The following ST3GAL3 variants were observed in gnomAD, a reference collection of about 807,000 sequenced individuals.
The protein encoded by ST3GAL3 is CMP-N-acetylneuraminate-beta-1,4-galactoside alpha-2,3-sialyltransferase.
ST3GAL3 carries 21 observed loss-of-function variants against 50.1 expected under a neutral mutation model. The observed-to-expected ratio is 0.42, with a 90% CI of 0.30 to 0.60. The LOEUF is 0.60. ST3GAL3 is among the 20% of genes least tolerant of loss of function. The pLI is 0.19. For missense variants in ST3GAL3, 353 were observed against 489.4 expected, an observed-to-expected ratio of 0.72 and a Z score of 2.63; for synonymous variants, 183 against 190.0, an observed-to-expected ratio of 0.96 and a Z score of 0.30.
chr1:43,915,246 T>TC (rs939367595), intron 9 of ST3GAL3, among the ~76,000 whole-genome samples: 2 of 152,014 alleles, frequency 1.3e-5, no homozygotes, highest in African/African-American at 4.8e-5. Flanking sequence ...GGAGGTCAGG[T>TC]CTCCTTTAGT....
At chr1:43,781,798 C>T (rs950337711) in intron 2 of ST3GAL3, among the ~76,000 whole-genome samples, 3 of 152,144 alleles carry the variant, frequency 2.0e-5, no homozygotes, top group African/African-American at 7.2e-5. Flanking sequence ...CCTTCCCTCC[C>T]AATTTCCACA....
intron 2 of ST3GAL3, among the ~76,000 whole-genome samples, chr1:43,743,249 C>A (rs1000247334): frequency 2.0e-5 from 3 of 151,132 alleles, no homozygotes; most frequent in Non-Finnish European, 3.0e-5. Context: ...CAAAACAGAG[C>A]CCCCTTATAG....
chr1:43,871,798 A>G (rs1286699742), intron 5 of ST3GAL3, among the ~76,000 whole-genome samples: 1 of 11,650 alleles, frequency 8.6e-5, no homozygotes. Context: ...GTGTGGGAGA[A>G]GATGGGGTGT....
At chr1:43,846,280 G>C (rs2066243140) in intron 5 of ST3GAL3, among the ~76,000 whole-genome samples, 1 of 151,994 alleles carries the variant, frequency 6.6e-6, no homozygotes, top group African/African-American at 2.4e-5. Context: ...TCTGTCATTT[G>C]GTGTGTATAC....
intron 4 of ST3GAL3, among the ~76,000 whole-genome samples, chr1:43,824,081 G>T (rs1367979661): frequency 6.6e-6 from 1 of 152,206 alleles, no homozygotes; most frequent in South Asian, 2.1e-4. Context: ...TAGTGTTTAT[G>T]TGCATAGTAA....
At chr1:43,864,877 G>A (rs910307462) in intron 5 of ST3GAL3, among the ~76,000 whole-genome samples, 1 of 152,132 alleles carries the variant, frequency 6.6e-6, no homozygotes. Flanking sequence ...AGAAGAGCAC[G>A]CTTATGGGGC....
chr1:43,757,470 A>C (rs1334945043), intron 2 of ST3GAL3, among the ~76,000 whole-genome samples: 1 of 152,240 alleles, frequency 6.6e-6, no homozygotes, highest in Admixed American at 6.5e-5. Context: ...ATATAGATCA[A>C]TGAGACAGAA....
rs2066784939 is a variant in ST3GAL3 at position 43,848,982 on chromosome 1, G to T, written c.302+10671G>T. ...AATACTGTGTTTTTAATCTCTGTAG[G>T]TTCCATTTAGGTCTTCTTATATCTT... On this transcript the variant is annotated intron_variant, in intron 5 of 11. Coordinates refer to ENST00000347631, the MANE Select transcript of ST3GAL3 (RefSeq NM_006279.5). Among the ~76,000 whole-genome samples, 2 of 151,994 alleles carry T rather than the reference G, an allele frequency of 1.3e-5. 1 individual carries two copies. The highest frequency in any genetic ancestry group is 4.2e-4 in the South Asian group (2 of 4,816).
chr1:43,851,451 CA>C lies in ST3GAL3; in HGVS notation c.302+13141del, dbSNP rs370746429. 3.7e-4 allele frequency: 591 copies of C among 1,610,490 alleles called. 2 individuals carry two copies. The African/African-American group carries it at 7.2e-3, about 20-fold the overall frequency. ...ATAGGCCTGCAGGGCTCGCTTCTGA[CA>C]GAGGGTCTCCAGCTCATGAGTAAAG... On this transcript the variant is annotated intron_variant, in intron 5 of 11. Transcript: ENST00000347631.
intron 1 of ST3GAL3, among the ~76,000 whole-genome samples, chr1:43,715,466 C>T (rs899546134): frequency 2.6e-5 from 4 of 151,646 alleles, no homozygotes; most frequent in Non-Finnish European, 4.4e-5. Context: ...GTACCCCCTA[C>T]TTGGGAGGCT....
Position 43,750,618 on chromosome 1 carries a change from A to G in ST3GAL3, c.118+14238A>G, listed in dbSNP as rs113888352. Among the ~76,000 whole-genome samples the G allele has an allele frequency of 5.3e-3, 809 of 152,292 alleles. 16 individuals are homozygous for G. Among genetic ancestry groups the G allele is most frequent in the African/African-American group, 0.018 (752 of 41,564 alleles). On this transcript the variant is annotated intron_variant, in intron 2 of 11. Coordinates refer to ENST00000347631, the MANE Select transcript of ST3GAL3 (RefSeq NM_006279.5). ...AAAATGTTATCTTTTGGCCCAGCACAGTGGCTAATGCCTGTAATCCCAGTA... is the reference window on the plus strand; with the variant it reads ...AAAATGTTATCTTTTGGCCCAGCACGGTGGCTAATGCCTGTAATCCCAGTA...
At chr1:43,732,388 G>A (rs1031761623) in intron 1 of ST3GAL3, among the ~76,000 whole-genome samples, 4 of 152,198 alleles carry the variant, frequency 2.6e-5, no homozygotes, top group African/African-American at 9.6e-5. Context: ...AGCTGTGCTC[G>A]TTATCCGTGA....
At chr1:43,770,364 C>A (rs1420625153) in intron 2 of ST3GAL3, among the ~76,000 whole-genome samples, 2 of 151,766 alleles carry the variant, frequency 1.3e-5, no homozygotes, top group East Asian at 1.9e-4. Flanking sequence ...TTAACAAACA[C>A]AAACAGAACA....
chr1:43,888,464 AAAG>A (rs1212924981), intron 5 of ST3GAL3, among the ~76,000 whole-genome samples: 1 of 152,100 alleles, frequency 6.6e-6, no homozygotes, highest in Non-Finnish European at 1.5e-5. Context: ...GAAATAAAGA[AAAG>A]AAAACACCAC....
chr1:43,849,280 T>C (rs1421153976), intron 5 of ST3GAL3, among the ~76,000 whole-genome samples: 3 of 152,036 alleles, frequency 2.0e-5, no homozygotes, highest in African/African-American at 7.2e-5. Context: ...TCTTGGTATT[T>C]TGATCACAAA....
intron 4 of ST3GAL3, among the ~76,000 whole-genome samples, chr1:43,823,745 A>G (rs2062413852): frequency 6.6e-6 from 1 of 152,224 alleles, no homozygotes; most frequent in African/African-American, 2.4e-5. Context: ...TTACTTAGTG[A>G]TCAATTAATA....
In ST3GAL3 at chr1:43,920,473, C is replaced by G. The variant is rs2082842253; in HGVS notation, c.814C>G (p.Leu272Val). The G allele has an allele frequency of 6.2e-7, 1 of 1,614,072 alleles. No homozygotes were observed. Among genetic ancestry groups the G allele is most frequent in the African/African-American group, 1.3e-5 (1 of 74,908 alleles). The change falls in exon 10 of 12, where the codon CTC (leucine) becomes GTC (valine). Residue 272 changes from leucine (L) to valine (V), a missense_variant. Physicochemically the swap from Leu to Val is conservative, Grantham distance 32 (BLOSUM62 1). Coordinates refer to ENST00000347631, the MANE Select transcript of ST3GAL3 (RefSeq NM_006279.5). ...VPKEPPEIRI[L>V]NPYFIQEAAF... ...CAAGGAGCCCCCTGAGATTCGAATC[C>G]TCAACCCATATTTCATCCAGGAGGC...
At chr1:43,924,667 G>C (rs532910225) in intron 11 of ST3GAL3, among the ~76,000 whole-genome samples, 2 of 152,226 alleles carry the variant, frequency 1.3e-5, no homozygotes, top group Admixed American at 6.5e-5. Flanking sequence ...TCCTGAACCA[G>C]ATCTTTGGCT....
chr1:43,926,458 G>T (rs748879211), intron 11 of ST3GAL3, among the ~76,000 whole-genome samples: 1 of 152,088 alleles, frequency 6.6e-6, no homozygotes, highest in African/African-American at 2.4e-5. Flanking sequence ...GTGTGGTGGC[G>T]CATGCCTGTA....
Sources: gnomAD v4.1 joint callset for allele counts (sites outside exome capture counted in the v4.1 genomes callset) on GRCh38, gnomAD v4.1.1 for gene constraint, MANE v1.5 for transcripts, NCBI Gene and HGNC (gene_info 2026-07-23, HGNC 2026-07-21) for gene names.